RAB30: variants seen among roughly 807,000 people sequenced by gnomAD.
The protein encoded by RAB30 is ras-related protein Rab-30.
Under a neutral mutation model 25.1 loss-of-function variants are expected in RAB30, and 9 were observed. The observed-to-expected ratio is 0.36, with a 90% CI of 0.22 to 0.63. The LOEUF is 0.63. Ranked by LOEUF, RAB30 falls within the 20% of genes least tolerant of loss-of-function variation. The pLI, the probability that RAB30 is intolerant of heterozygous loss-of-function variation, is 0.69. For synonymous variants in RAB30, 77 were observed against 86.4 expected (o/e 0.89, Z 0.60); for missense variants, 140 against 243.5 (o/e 0.58, Z 2.83).
intron 1 of RAB30, among the ~76,000 whole-genome samples, chr11:83,017,423 T>G (rs1857463307): frequency 6.6e-6 from 1 of 152,132 alleles, no homozygotes; most frequent in Non-Finnish European, 1.5e-5. Context: ...AACAGGTGGT[T>G]TTTTGTTACA....
chr11:83,014,806 CAGGA>C (rs778220308), intron 1 of RAB30, among the ~76,000 whole-genome samples: 24 of 135,530 alleles, frequency 1.8e-4, no homozygotes, highest in East Asian at 6.4e-4. Context: ...GGGAGGGAGG[CAGGA>C]AGGAAGGAAG....
chr11:83,043,048 C>T (rs1000381306), intron 1 of RAB30, among the ~76,000 whole-genome samples: 2 of 152,132 alleles, frequency 1.3e-5, no homozygotes, highest in East Asian at 3.8e-4. Context: ...TGTGATTGTT[C>T]ATGCCCCTGT....
At chr11:83,014,682 GA>G (rs1565277194) in intron 1 of RAB30, among the ~76,000 whole-genome samples, 73 of 137,322 alleles carry the variant, frequency 5.3e-4, no homozygotes, top group African/African-American at 2.0e-3. Flanking sequence ...AAGAAAGAAA[GA>G]AAGAAAGAAA....
chr11:83,064,672 A>G (rs1423740726), intron 1 of RAB30, among the ~76,000 whole-genome samples: 1 of 152,098 alleles, frequency 6.6e-6, no homozygotes, highest in South Asian at 2.1e-4. Context: ...GAAAATCACT[A>G]CCTCCTGAAG....
chr11:82,997,163 C>T (rs767771442), intron 2 of RAB30, 61 bp downstream of exon 2: 149 of 1,396,534 alleles, frequency 1.1e-4, no homozygotes, highest in Non-Finnish European at 1.5e-4. Context: ...TCCCCCAACC[C>T]CTCAGGCTAG....
chr11:83,005,238 C>T (rs1857161091), intron 1 of RAB30, among the ~76,000 whole-genome samples: 1 of 152,218 alleles, frequency 6.6e-6, no homozygotes, highest in African/African-American at 2.4e-5. Flanking sequence ...TACTCTGACA[C>T]ACTGGTGAGT....
chr11:83,052,987 G>A (rs1371156803), intron 1 of RAB30, among the ~76,000 whole-genome samples: 1 of 152,150 alleles, frequency 6.6e-6, no homozygotes, highest in Non-Finnish European at 1.5e-5. Context: ...GTGACTTGGT[G>A]ATCTACCACC....
rs751300022 is a variant in RAB30, at chr11:82,978,731, G to A, written c.*3434C>T. On this transcript the variant is annotated 3_prime_UTR_variant, in exon 5 of 5. Coordinates refer to ENST00000527633, the MANE Select transcript of RAB30 (RefSeq NM_001286060.2). ...GTGGGAATCACCAGTGTCCTCCCAA[G>A]GCATATATTCATGAATGAAAGAAGA... 17 of 152,086 alleles carry A rather than the reference G, an allele frequency of 1.1e-4. No homozygotes were observed. Among genetic ancestry groups the A allele is most frequent in the Non-Finnish European group, 2.2e-4 (15 of 68,026 alleles). The allele number at this position is 152,086 out of a possible 1,614,324, so 9.4% of individuals were successfully genotyped here. A position where few individuals can be genotyped will look rare whatever the true frequency, so the allele number is the denominator to read the frequency against.
chr11:83,033,757 A>G (rs1857927872), intron 1 of RAB30, among the ~76,000 whole-genome samples: 1 of 152,196 alleles, frequency 6.6e-6, no homozygotes, highest in Non-Finnish European at 1.5e-5. Flanking sequence ...ATAATAAATA[A>G]ATAAAAATCT....
In RAB30 at chr11:83,071,824, A is replaced by G; in HGVS notation, c.-142T>C. On this transcript the variant is annotated 5_prime_UTR_variant, in exon 1 of 5. Coordinates refer to ENST00000527633, the MANE Select transcript of RAB30 (RefSeq NM_001286060.2). ...CAGTCCCTGCCCTGGTGCTGCTGCT[A>G]CACTTAGCTCAGCTGGAGCGAGCGG... is the stretch of plus-strand genomic sequence containing the variant. 2.9e-6 allele frequency: 1 copy of G among 348,176 alleles called. No individual in the cohort carries two copies. Among genetic ancestry groups the G allele is most frequent in the African/African-American group, 2.1e-5 (1 of 47,524 alleles). 21.6% of individuals were successfully genotyped at this position (348,176 alleles called of 1,614,324 possible).
chr11:83,028,114 T>C (rs1219314101), intron 1 of RAB30, among the ~76,000 whole-genome samples: 1 of 151,998 alleles, frequency 6.6e-6, no homozygotes, highest in Non-Finnish European at 1.5e-5. Flanking sequence ...GGAAATACCA[T>C]TAATATTCTC....
intron 1 of RAB30, among the ~76,000 whole-genome samples, chr11:83,043,575 C>G (rs1288023391): frequency 6.6e-6 from 1 of 152,064 alleles, no homozygotes; most frequent in Non-Finnish European, 1.5e-5. Context: ...AGAAGAATAT[C>G]CCCCTTACAC....
intron 1 of RAB30, among the ~76,000 whole-genome samples, chr11:83,068,123 C>CA (rs35256261): frequency 8.1e-4 from 93 of 115,248 alleles, no homozygotes; most frequent in East Asian, 1.8e-3. Flanking sequence ...GACTCTGTCT[C>CA]AAAAAAAAAA....
intron 2 of RAB30, among the ~76,000 whole-genome samples, chr11:82,995,419 C>T (rs1469248632): frequency 6.6e-6 from 1 of 152,150 alleles, no homozygotes; most frequent in Non-Finnish European, 1.5e-5. Flanking sequence ...TGTTTTGCAC[C>T]TCAACAAATG....
chr11:83,062,255 T>G (rs1358748975), intron 1 of RAB30, among the ~76,000 whole-genome samples: 1 of 152,214 alleles, frequency 6.6e-6, no homozygotes, highest in Admixed American at 6.5e-5. Context: ...CTCATTTGTA[T>G]GTAAAAAATT....
intron 1 of RAB30, among the ~76,000 whole-genome samples, chr11:83,060,550 G>C (rs1460950637): frequency 2.0e-5 from 3 of 152,146 alleles, no homozygotes; most frequent in Non-Finnish European, 4.4e-5. Context: ...ATGATGCACG[G>C]GGAGGGATAG....
intron 3 of RAB30, among the ~76,000 whole-genome samples, chr11:82,990,814 T>C (rs1445467839): frequency 2.6e-5 from 4 of 152,208 alleles, no homozygotes; most frequent in Non-Finnish European, 5.9e-5. Flanking sequence ...TTTTAACCAC[T>C]TTTAAGCATA....
chr11:82,990,645 A>G (rs144237256), intron 3 of RAB30, among the ~76,000 whole-genome samples: 85 of 152,314 alleles, frequency 5.6e-4, no homozygotes, highest in African/African-American at 2.0e-3. Flanking sequence ...CAAATCTTCT[A>G]TTTCTATTAT....
At chr11:83,068,123 CAA>C (rs35256261) in intron 1 of RAB30, among the ~76,000 whole-genome samples, 278 of 115,200 alleles carry the variant, frequency 2.4e-3, no homozygotes, top group Middle Eastern at 8.8e-3. Context: ...GACTCTGTCT[CAA>C]AAAAAAAAAA....
Sources: gnomAD v4.1 joint callset for allele counts (sites outside exome capture counted in the v4.1 genomes callset) on GRCh38, gnomAD v4.1.1 for gene constraint, MANE v1.5 for transcripts, NCBI Gene and HGNC (gene_info 2026-07-23, HGNC 2026-07-21) for gene names.